The following ITGB4 variants were observed in gnomAD, a reference collection of about 807,000 sequenced individuals.
The protein encoded by ITGB4 is integrin subunit beta 4.
Under a neutral mutation model 207.6 loss-of-function variants are expected in ITGB4, and 159 were observed. That is an observed-to-expected ratio of 0.77 (90% confidence interval 0.67 to 0.87). ITGB4 has a LOEUF of 0.87. Among genes scored for constraint, ITGB4 ranks in the 40% least tolerant of loss-of-function variants. ITGB4 has a pLI of 0.00. For synonymous variants in ITGB4, 1,020 were observed against 1,062.7 expected, an observed-to-expected ratio of 0.96 and a Z score of 0.78; for missense variants, 2,278 against 2,546.8, an observed-to-expected ratio of 0.89 and a Z score of 2.27.
rs764654608 is a variant in ITGB4, at chr17:75,736,546, C to T, written c.1861-19C>T. 3.2e-5 allele frequency: 51 copies of T among 1,587,750 alleles called. No individual in the cohort carries two copies. In the South Asian group the frequency reaches 5.6e-4, roughly 17 times the overall value. On this transcript the variant is annotated intron_variant, in intron 15 of 39. Transcript: ENST00000200181. ...CCCACCCAACACAGTGCCTGTCTGC[C>T]CCGCCTTTCCCCGCCAAGATCCACC...
rs1487649717 is a variant in ITGB4 at position 75,727,365 on chromosome 17, T to C, written c.163-39T>C. 2.5e-6 allele frequency: 4 copies of C among 1,611,122 alleles called. No individual in the cohort carries two copies. Among genetic ancestry groups the C allele is most frequent in the Non-Finnish European group, 3.4e-6 (4 of 1,177,576 alleles). ...ATCTAGGGTTGGGGCAGCCAGGGAA[T>C]GGGTGCTGCCCCCAGTGACCCCCTG... On this transcript the variant is annotated intron_variant, in intron 3 of 39. Transcript: ENST00000200181. The surrounding 1 kb of genome is among the most constrained non-coding windows in gnomAD (Gnocchi z 6.0).
rs1252839397 is a variant in ITGB4 at position 75,729,860 on chromosome 17, T to A, written c.739-381T>A. Among the ~76,000 whole-genome samples the A allele has an allele frequency of 6.6e-6, 1 of 152,206 alleles. No homozygotes were observed. Among genetic ancestry groups the A allele is most frequent in the Non-Finnish European group, 1.5e-5 (1 of 68,022 alleles). Reference sequence around the variant, plus strand: ...ATTACTAGGTTAGAAAACAAAGAGCTAGCCAAGGCGTGGTGGCTCACACCT... The same window carrying A: ...ATTACTAGGTTAGAAAACAAAGAGCAAGCCAAGGCGTGGTGGCTCACACCT... On this transcript the variant is annotated intron_variant, in intron 7 of 39. Coordinates refer to ENST00000200181, the MANE Select transcript of ITGB4 (RefSeq NM_000213.5). The surrounding 1 kb of genome is among the most constrained non-coding windows in gnomAD (Gnocchi z 4.4).
rs575256085 is a variant in ITGB4, at chr17:75,724,899, G to C, written c.79+117G>C. The C allele has an allele frequency of 2.1e-5, 18 of 840,740 alleles. No homozygotes were observed. The Admixed American group carries it at 3.4e-4, about 16-fold the overall frequency. The allele number at this position is 840,740 out of a possible 1,614,324, so 52.1% of individuals were successfully genotyped here. On this transcript the variant is annotated intron_variant, in intron 2 of 39. Transcript: ENST00000200181. Reference sequence around the variant, plus strand: ...AAACACGCTTGGCCATTCAGCAACTGACCACTGCCCACCTTCAGGGCTGGA... The same window carrying C: ...AAACACGCTTGGCCATTCAGCAACTCACCACTGCCCACCTTCAGGGCTGGA...
In ITGB4 at chr17:75,739,307, A is replaced by AC. The variant is rs976469937; in HGVS notation, c.2221-365_2221-364insC. 2.6e-5 allele frequency among the ~76,000 whole-genome samples: 4 copies of AC among 151,586 alleles called. No individual in the cohort carries two copies. The highest frequency in any genetic ancestry group is 2.0e-4 in the Admixed American group (3 of 15,204). On this transcript the variant is annotated intron_variant, in intron 18 of 39. Coordinates refer to ENST00000200181, the MANE Select transcript of ITGB4 (RefSeq NM_000213.5). This position sits in a 1 kb window ranked among gnomAD's most constrained non-coding sequence, Gnocchi z 5.4. ...GAGACCCTGTCTCAAAAAAAAAAAA[A>AC]AGAAAAGAAACAAGTTTCTTCTCTG...
chr17:75,739,859 G>A lies in ITGB4; in HGVS notation c.2255-21G>A. 4 of 1,613,376 alleles carry A rather than the reference G, an allele frequency of 2.5e-6. No homozygotes were observed. Among genetic ancestry groups the A allele is most frequent in the Admixed American group, 1.7e-5 (1 of 60,006 alleles). ...GTGCGGGTCTAGGGAGGGGTGCCGT[G>A]CTGAGGACCCCATCCTGCAGGTCAC... On this transcript the variant is annotated intron_variant, in intron 19 of 39. Transcript: ENST00000200181. This position sits in a 1 kb window ranked among gnomAD's most constrained non-coding sequence, Gnocchi z 5.4.
At chr17:75,746,026 C>G (rs973833980) in intron 26 of ITGB4, among the ~76,000 whole-genome samples, 2 of 152,158 alleles carry the variant, frequency 1.3e-5, no homozygotes, top group African/African-American at 4.8e-5. Context: ...TTTTTATTGA[C>G]AGGAACTGTT....
In ITGB4 at chr17:75,740,653, G is replaced by A; in HGVS notation, c.2551-140G>A. ...GCAGAAGGCCAGAGCCTGGGCCCAG[G>A]ATGCTGCCCCACGGGGCATGCCCCA... On this transcript the variant is annotated intron_variant, in intron 21 of 39. Coordinates refer to ENST00000200181, the MANE Select transcript of ITGB4 (RefSeq NM_000213.5). The surrounding 1 kb of genome is among the most constrained non-coding windows in gnomAD (Gnocchi z 5.9). 1 of 1,068,984 alleles carries A rather than the reference G, an allele frequency of 9.4e-7. No homozygotes were observed. The highest frequency in any genetic ancestry group is 1.4e-6 in the Non-Finnish European group (1 of 701,300). 66.2% of individuals were successfully genotyped at this position (1,068,984 alleles called of 1,614,324 possible). A position where few individuals can be genotyped will look rare whatever the true frequency, so the allele number is the denominator to read the frequency against.
Position 75,740,921 on chromosome 17 carries a change from A to T in ITGB4, c.2610-61A>T. 1 of 1,613,716 alleles carries T rather than the reference A, an allele frequency of 6.2e-7. No individual in the cohort carries two copies. Among genetic ancestry groups the T allele is most frequent in the Non-Finnish European group, 8.5e-7 (1 of 1,179,834 alleles). On this transcript the variant is annotated intron_variant, in intron 22 of 39. Transcript: ENST00000200181. This position sits in a 1 kb window ranked among gnomAD's most constrained non-coding sequence, Gnocchi z 5.9. Reference sequence around the variant, plus strand: ...CGGGACTCCAGGAGCCGAAGCCCCCAGGCCGATCAGGCCTCCACTTCAGGG... The same window carrying T: ...CGGGACTCCAGGAGCCGAAGCCCCCTGGCCGATCAGGCCTCCACTTCAGGG...
intron 13 of ITGB4, among the ~76,000 whole-genome samples, chr17:75,735,611 C>A (rs989702592): frequency 4.6e-5 from 7 of 151,736 alleles, no homozygotes; most frequent in Admixed American, 3.3e-4. Flanking sequence ...CGAGGTTTCT[C>A]CATGTTGGCC....
At chr17:75,741,733 G>A (rs760303021) in intron 23 of ITGB4, among the ~76,000 whole-genome samples, 21 of 151,950 alleles carry the variant, frequency 1.4e-4, no homozygotes, top group Non-Finnish European at 1.5e-5. Context: ...TTGAACCTGG[G>A]AGGCAGAGGT....
intron 30 of ITGB4, 89 bp downstream of exon 30, chr17:75,751,200 C>A: frequency 6.8e-7 from 1 of 1,471,898 alleles, no homozygotes; most frequent in Non-Finnish European, 9.4e-7. Context: ...TGGTCACTCC[C>A]TGGACCTGCT....
chr17:75,753,967 C>T lies in ITGB4; in HGVS notation c.4311C>T (p.Pro1437=). Residue 1437 remains proline, a synonymous_variant, in exon 33 of 40, where the codon CCC becomes CCT. Transcript: ENST00000200181. ...TGCCCCGCAGTGCGACACCCGGGCCCCCCGGAGGTGACAGGCTCACCCGCC... is the reference window on the plus strand; with the variant it reads ...TGCCCCGCAGTGCGACACCCGGGCCTCCCGGAGGTGACAGGCTCACCCGCC... ...GSLPRSATPG[P]PGEHLVNGRM... 1 of 1,262,026 alleles carries T rather than the reference C, an allele frequency of 7.9e-7. No homozygotes were observed. The highest frequency in any genetic ancestry group is 9.9e-7 in the Non-Finnish European group (1 of 1,007,186). The allele number at this position is 1,262,026 out of a possible 1,614,324, so 78.2% of individuals were successfully genotyped here.
Position 75,753,847 on chromosome 17 carries a change from C to T in ITGB4, c.4191C>T (p.Ile1397=), listed in dbSNP as rs1208385308. The T allele has an allele frequency of 7.1e-7, 1 of 1,408,122 alleles. No individual in the cohort carries two copies. 87.2% of individuals were successfully genotyped at this position (1,408,122 alleles called of 1,614,324 possible). The part of the protein sequence containing the change: ...RVTWRLPPEL[I]PRLSASSGRS... ...CGTGGCGGCTGCCCCCGGAGCTCAT[C>T]CCGCGCCTGTCGGCCAGCAGCGGGC... The change falls in exon 33 of 40, where the codon ATC becomes ATT. Residue 1397 remains isoleucine, a synonymous_variant. Coordinates refer to ENST00000200181, the MANE Select transcript of ITGB4 (RefSeq NM_000213.5).
chr17:75,747,802 A>T (rs1008505260), intron 26 of ITGB4, among the ~76,000 whole-genome samples: 1 of 152,154 alleles, frequency 6.6e-6, no homozygotes, highest in Non-Finnish European at 1.5e-5. Context: ...GGCACCGGCC[A>T]CCATGCCGGG....
At position 75,750,711 on chromosome 17, in the gene ITGB4, C is replaced by A; in HGVS notation, c.3506C>A (p.Ser1169Tyr). 6.2e-7 allele frequency: 1 copy of A among 1,613,402 alleles called. No individual in the cohort carries two copies. Among genetic ancestry groups the A allele is most frequent in the Non-Finnish European group, 8.5e-7 (1 of 1,180,024 alleles). The change falls in exon 29 of 40, where the codon TCC becomes TAC. Residue 1169 changes from serine (S) to tyrosine (Y), a missense_variant. Physicochemically the swap from Ser to Tyr is moderately radical, Grantham distance 144. Coordinates refer to ENST00000200181, the MANE Select transcript of ITGB4 (RefSeq NM_000213.5). The surrounding 1 kb of genome is among the most constrained non-coding windows in gnomAD (Gnocchi z 5.5). The part of the protein sequence containing the change: ...VKYWIQGDSE[S>Y]EAHLLDSKVP... ...TACTGGATTCAGGGTGACTCCGAATCCGAAGCCCACCTGCTCGACAGCAAG... is the reference window on the plus strand; with the variant it reads ...TACTGGATTCAGGGTGACTCCGAATACGAAGCCCACCTGCTCGACAGCAAG...
intron 18 of ITGB4, among the ~76,000 whole-genome samples, chr17:75,738,474 CAGGTGATAAATG>C (rs2061032286): frequency 6.6e-6 from 1 of 152,208 alleles, no homozygotes; most frequent in Non-Finnish European, 1.5e-5. Flanking sequence ...GGCTGAGAGG[CAGGTGATAAATG>C]CACAGTCCTC....
At chr17:75,745,050 C>A (rs2061203461) in intron 26 of ITGB4, among the ~76,000 whole-genome samples, 1 of 152,180 alleles carries the variant, frequency 6.6e-6, no homozygotes, top group African/African-American at 2.4e-5. Flanking sequence ...CAGGTGTAAG[C>A]CAGTGCACCT....
rs1465119767 is a variant in ITGB4 at position 75,756,760 on chromosome 17, C to T, written c.4954C>T (p.Leu1652=). 5 of 1,613,070 alleles carry T rather than the reference C, an allele frequency of 3.1e-6. No individual in the cohort carries two copies. In the South Asian group the frequency reaches 5.5e-5, roughly 18 times the overall value. The stretch of plus-strand genomic sequence containing the variant: ...CCCAGGCCCGCTGGTGTTCACTGCC[C>T]TGAGCCCAGACTCGCTGCAGCTGAG... ...SAPGPLVFTA[L]SPDSLQLSWE... Residue 1652 remains leucine (L), a synonymous_variant, in exon 37 of 40, where the codon CTG becomes TTG. Coordinates refer to ENST00000200181, the MANE Select transcript of ITGB4 (RefSeq NM_000213.5).
intron 27 of ITGB4, 110 bp downstream of exon 27, chr17:75,749,155 T>TCTGAATTTCAGGTAAAC (rs2061307105): frequency 2.3e-6 from 2 of 870,148 alleles, no homozygotes; most frequent in Non-Finnish European, 1.8e-6. Flanking sequence ...CCCAGGTAAA[T>TCTGAATTTCAGGTAAAC]CTGAATTTCA....
Sources: gnomAD v4.1 joint callset for allele counts (sites outside exome capture counted in the v4.1 genomes callset) on GRCh38, gnomAD v4.1.1 for gene constraint, Gnocchi (gnomAD v3.1) non-coding constraint, MANE v1.5 for transcripts, NCBI Gene and HGNC (gene_info 2026-07-23, HGNC 2026-07-21) for gene names.